TMEM131L: variants seen among roughly 807,000 people sequenced by gnomAD.
The protein encoded by TMEM131L is transmembrane protein 131-like.
TMEM131L carries 54 observed loss-of-function variants against 192.2 expected under a neutral mutation model. That is an observed-to-expected ratio of 0.28 (90% CI 0.23 to 0.35). The LOEUF (loss-of-function observed/expected upper bound fraction) is 0.35, where lower values mean the gene tolerates loss of function less well. TMEM131L is among the 10% of genes least tolerant of loss of function. The probability of loss-of-function intolerance (pLI) is 1.00; values close to 1 mark genes in which losing one functional copy is unlikely to be tolerated. For synonymous variants in TMEM131L, 701 were observed against 704.9 expected (o/e 0.99, Z 0.09); for missense variants, 1,888 against 1,972.9 (o/e 0.96, Z 0.82).
At chr4:153,571,838 G>A (rs1236861269) in intron 7 of TMEM131L, among the ~76,000 whole-genome samples, 2 of 152,214 alleles carry the variant, frequency 1.3e-5, no homozygotes, top group African/African-American at 4.8e-5. Flanking sequence ...TAGGATGACA[G>A]GTGTGAGCCA....
At chr4:153,609,011 C>T (rs1427848328) in intron 25 of TMEM131L, among the ~76,000 whole-genome samples, 1 of 152,032 alleles carries the variant, frequency 6.6e-6, no homozygotes, top group Non-Finnish European at 1.5e-5. Context: ...TATTAGTGTT[C>T]TTTCCATTTG....
At chr4:153,549,152 A>G (rs1417149723) in intron 3 of TMEM131L, among the ~76,000 whole-genome samples, 1 of 152,048 alleles carries the variant, frequency 6.6e-6, no homozygotes, top group African/African-American at 2.4e-5. Context: ...TTTTTAGTAG[A>G]GATAGGGTCT....
chr4:153,551,433 C>T (rs1488929702), intron 4 of TMEM131L, among the ~76,000 whole-genome samples: 2 of 151,848 alleles, frequency 1.3e-5, no homozygotes, highest in African/African-American at 2.4e-5. Flanking sequence ...TGTCGGCTCA[C>T]TGCAGCCTCC....
intron 7 of TMEM131L, among the ~76,000 whole-genome samples, chr4:153,566,068 A>G (rs563601055): frequency 1.2e-4 from 18 of 152,202 alleles, no homozygotes; most frequent in African/African-American, 3.9e-4. Flanking sequence ...AAGAACTTAA[A>G]TTATTATTAT....
At chr4:153,620,052 T>C (rs1024621889) in intron 26 of TMEM131L, among the ~76,000 whole-genome samples, 5 of 152,124 alleles carry the variant, frequency 3.3e-5, no homozygotes, top group Admixed American at 2.6e-4. Context: ...TAATAAGGAT[T>C]AGAATATGTT....
At chr4:153,482,500 T>C (rs1044204152) in intron 3 of TMEM131L, among the ~76,000 whole-genome samples, 10 of 152,234 alleles carry the variant, frequency 6.6e-5, no homozygotes, top group Admixed American at 6.5e-4. Context: ...TATAGTTATT[T>C]AGCCTTCAGT....
At chr4:153,540,684 A>G (rs149547062) in intron 3 of TMEM131L, among the ~76,000 whole-genome samples, 64 of 152,350 alleles carry the variant, frequency 4.2e-4, no homozygotes, top group Non-Finnish European at 7.8e-4. Flanking sequence ...TCAGCTACCA[A>G]GTTGCTTAAA....
chr4:153,629,896 C>T (rs1210650549), intron 31 of TMEM131L, among the ~76,000 whole-genome samples: 1 of 152,204 alleles, frequency 6.6e-6, no homozygotes, highest in Non-Finnish European at 1.5e-5. Flanking sequence ...TTGGTGATCT[C>T]ATCCACTTTC....
At chr4:153,583,494 C>A in intron 10 of TMEM131L, 70 bp from the exon 11 acceptor site, 1 of 1,049,144 alleles carries the variant, frequency 9.5e-7, no homozygotes, top group Non-Finnish European at 1.5e-6. Context: ...TTTATTCTAA[C>A]GGTTCATTCA....
intron 2 of TMEM131L, among the ~76,000 whole-genome samples, chr4:153,471,318 T>C (rs924547065): frequency 6.6e-6 from 1 of 152,150 alleles, no homozygotes; most frequent in Non-Finnish European, 1.5e-5. Flanking sequence ...GTCTTGTGCA[T>C]GTCTTGTTGC....
chr4:153,547,142 GA>G (rs894144770), intron 3 of TMEM131L, among the ~76,000 whole-genome samples: 60 of 151,482 alleles, frequency 4.0e-4, no homozygotes, highest in African/African-American at 1.1e-3. Context: ...GACTCTTAGA[GA>G]AAAAAAAATT....
chr4:153,552,937 TTTTTTGTG>T (rs1737736061), intron 4 of TMEM131L, among the ~76,000 whole-genome samples: 1 of 126,578 alleles, frequency 7.9e-6, no homozygotes, highest in African/African-American at 3.9e-5. Context: ...TGTGTTGTTA[TTTTTTGTG>T]TTTTTTTTTT....
chr4:153,579,363 T>G (rs1390130110), intron 7 of TMEM131L, among the ~76,000 whole-genome samples: 1 of 152,194 alleles, frequency 6.6e-6, no homozygotes, highest in East Asian at 1.9e-4. Context: ...TTTAAGATTT[T>G]AGATTCATTT....
At position 153,490,245 on chromosome 4, in the gene TMEM131L, G is replaced by C. The variant is rs151013431; in HGVS notation, c.239+16357G>C. ...AAATTGCGTGTTAGTTTGACTTTCAGGTAACTTAATTAGCAGATTCATGTT... is the reference window on the plus strand; with the variant it reads ...AAATTGCGTGTTAGTTTGACTTTCACGTAACTTAATTAGCAGATTCATGTT... On this transcript the variant is annotated intron_variant, in intron 3 of 34. Coordinates refer to ENST00000409959, the MANE Select transcript of TMEM131L (RefSeq NM_001131007.2). Among the ~76,000 whole-genome samples the C allele has an allele frequency of 6.6e-4, 100 of 152,266 alleles. 1 individual carries two copies. The South Asian group carries it at 9.3e-3, about 14-fold the overall frequency.
rs921000885 is a variant in TMEM131L, at chr4:153,625,358, C to T, written c.4046-789C>T. Reference sequence around the variant, plus strand: ...GTGAGCCGAGATCGCCACTGCACTCCAGCCTGGGTGACAAAGCGAGACTCT... The same window carrying T: ...GTGAGCCGAGATCGCCACTGCACTCTAGCCTGGGTGACAAAGCGAGACTCT... On this transcript the variant is annotated intron_variant, in intron 29 of 34. Coordinates refer to ENST00000409959, the MANE Select transcript of TMEM131L (RefSeq NM_001131007.2). Among the ~76,000 whole-genome samples, 8 of 151,856 alleles carry T rather than the reference C, an allele frequency of 5.3e-5. 1 individual carries two copies. Among genetic ancestry groups the T allele is most frequent in the Middle Eastern group, 6.3e-3 (2 of 316 alleles).
chr4:153,596,665 G>T (rs1350782072), intron 20 of TMEM131L, among the ~76,000 whole-genome samples: 6 of 152,016 alleles, frequency 3.9e-5, no homozygotes, highest in African/African-American at 1.5e-4. Context: ...GTCTCAAAAG[G>T]CAGAACACAC....
chr4:153,469,530 A>T (rs1260720277), intron 2 of TMEM131L, among the ~76,000 whole-genome samples: 3 of 152,202 alleles, frequency 2.0e-5, no homozygotes, highest in Non-Finnish European at 4.4e-5. Flanking sequence ...TGCTTAATTA[A>T]CCAGTACATT....
intron 3 of TMEM131L, among the ~76,000 whole-genome samples, chr4:153,478,647 C>T (rs1466775852): frequency 6.6e-6 from 1 of 152,122 alleles, no homozygotes; most frequent in Non-Finnish European, 1.5e-5. Flanking sequence ...TTCACCGACA[C>T]AAATTATATG....
chr4:153,604,431 G>A lies in TMEM131L; in HGVS notation c.3418+1G>A. On this transcript the variant is annotated splice_donor_variant, in intron 25 of 34. Transcript: ENST00000409959. LOFTEE classifies it high-confidence loss of function. ...CCAGAAATTTCCAGGAAAAATAATG[G>A]TAATCTTTTCATCCCCTTTGATAAT... 6.3e-7 allele frequency: 1 copy of A among 1,595,898 alleles called. No individual in the cohort carries two copies. The highest frequency in any genetic ancestry group is 2.2e-5 in the East Asian group (1 of 44,702).
Sources: allele counts gnomAD v4.1 joint callset (sites outside exome capture counted in the v4.1 genomes callset), GRCh38; gene constraint gnomAD v4.1.1; transcripts MANE v1.5; gene names NCBI Gene and HGNC (gene_info 2026-07-23, HGNC 2026-07-21).